CDH4: variants seen among roughly 807,000 people sequenced by gnomAD.
CDH4 encodes cadherin-4.
A neutral mutation model predicts 86.0 loss-of-function variants in CDH4; 33 were observed. The observed-to-expected ratio is 0.38, with a 90% confidence interval of 0.29 to 0.51. The LOEUF (loss-of-function observed/expected upper bound fraction) is 0.51. CDH4 is among the 20% of genes least tolerant of loss of function. CDH4 has a pLI of 0.86. For missense variants in CDH4, 1,114 were observed against 1,307.4 expected, an observed-to-expected ratio of 0.85 and a Z score of 2.28; for synonymous variants, 555 against 549.4, an observed-to-expected ratio of 1.01 and a Z score of -0.14.
At chr20:61,451,353 A>G (rs1162949966) in intron 2 of CDH4, among the ~76,000 whole-genome samples, 2 of 152,208 alleles carry the variant, frequency 1.3e-5, no homozygotes, top group African/African-American at 4.8e-5. Flanking sequence ...GGCCTCACGC[A>G]GACCTGGCTA....
intron 2 of CDH4, among the ~76,000 whole-genome samples, chr20:61,588,617 A>G (rs961310407): frequency 6.6e-6 from 1 of 151,764 alleles, no homozygotes; most frequent in East Asian, 1.9e-4. Flanking sequence ...TTCTCACCCC[A>G]GGGCCCTCCC....
intron 2 of CDH4, among the ~76,000 whole-genome samples, chr20:61,352,377 G>A (rs971445895): frequency 5.3e-5 from 8 of 152,152 alleles, no homozygotes; most frequent in Non-Finnish European, 1.0e-4. Context: ...GGTGACGTTC[G>A]TTTGTTGCCA....
At chr20:61,734,381 AGTT>A (rs1600927711) in intron 2 of CDH4, among the ~76,000 whole-genome samples, 1 of 152,222 alleles carries the variant, frequency 6.6e-6, no homozygotes, top group South Asian at 2.1e-4. Flanking sequence ...CGGAACGGGG[AGTT>A]GTTGTATGTG....
At chr20:61,935,943 TAAAAATG>T (rs994732406) in intron 15 of CDH4, among the ~76,000 whole-genome samples, 3 of 152,036 alleles carry the variant, frequency 2.0e-5, no homozygotes, top group African/African-American at 7.2e-5. Flanking sequence ...TAGGAGAAAT[TAAAAATG>T]AAAACAACAA....
chr20:61,477,809 C>A (rs775462026), intron 2 of CDH4, among the ~76,000 whole-genome samples: 4 of 152,142 alleles, frequency 2.6e-5, no homozygotes, highest in Non-Finnish European at 5.9e-5. Flanking sequence ...AGAATGACCT[C>A]CTCTTGGAAC....
chr20:61,536,260 C>T (rs554080743), intron 2 of CDH4, among the ~76,000 whole-genome samples: 25 of 152,320 alleles, frequency 1.6e-4, no homozygotes, highest in African/African-American at 5.3e-4. Context: ...TCCTGCCCCC[C>T]GAACCCAGAA....
At chr20:61,586,552 A>C (rs1369430370) in intron 2 of CDH4, among the ~76,000 whole-genome samples, 1 of 152,336 alleles carries the variant, frequency 6.6e-6, no homozygotes, top group Admixed American at 6.5e-5. Flanking sequence ...ATGCCCTTAC[A>C]GTAGCCCACC....
intron 2 of CDH4, among the ~76,000 whole-genome samples, chr20:61,485,344 C>T (rs1238256435): frequency 6.6e-6 from 1 of 152,214 alleles, no homozygotes; most frequent in Non-Finnish European, 1.5e-5. Context: ...ACCACACTCT[C>T]TCCAAGAACA....
At chr20:61,871,995 G>GCGGT (rs1983824145) in intron 6 of CDH4, among the ~76,000 whole-genome samples, 1 of 152,180 alleles carries the variant, frequency 6.6e-6, no homozygotes, top group Non-Finnish European at 1.5e-5. Flanking sequence ...GGCCAGAGTG[G>GCGGT]CGGTCTTCTC....
intron 2 of CDH4, among the ~76,000 whole-genome samples, chr20:61,729,319 G>A (rs770276504): frequency 6.6e-6 from 1 of 152,198 alleles, no homozygotes; most frequent in Admixed American, 6.5e-5. Flanking sequence ...GGCTAATGAG[G>A]CGCTCACAGC....
intron 4 of CDH4, among the ~76,000 whole-genome samples, chr20:61,777,509 G>A (rs1019883538): frequency 4.6e-5 from 7 of 152,244 alleles, no homozygotes; most frequent in East Asian, 3.9e-4. Flanking sequence ...TTTAGTGAAC[G>A]GAAAATGGAA....
At position 61,633,447 on chromosome 20, in the gene CDH4, A is replaced by G. The variant is rs564833273; in HGVS notation, c.170-110116A>G. Among the ~76,000 whole-genome samples, 4 of 151,956 alleles carry G rather than the reference A, an allele frequency of 2.6e-5. No individual in the cohort carries two copies. The East Asian group carries it at 5.8e-4, about 22-fold the overall frequency. On this transcript the variant is annotated intron_variant, in intron 2 of 15. Transcript: ENST00000614565. ...CATCCATCCTCCCATCCATTCATCC[A>G]TCTATCCATCAGTTTATTCACCCAT...
chr20:61,756,919 C>A (rs913253804), intron 3 of CDH4, among the ~76,000 whole-genome samples: 1 of 152,204 alleles, frequency 6.6e-6, no homozygotes, highest in East Asian at 1.9e-4. Context: ...TTGAAGCTCA[C>A]ATCTCCAGAA....
intron 7 of CDH4, among the ~76,000 whole-genome samples, chr20:61,878,828 C>T (rs1034912171): frequency 6.6e-6 from 1 of 152,200 alleles, no homozygotes; most frequent in African/African-American, 2.4e-5. Flanking sequence ...GCCTTTGCCT[C>T]GGAATAGAAG....
At chr20:61,414,289 A>G (rs567920286) in intron 2 of CDH4, among the ~76,000 whole-genome samples, 1 of 152,384 alleles carries the variant, frequency 6.6e-6, no homozygotes, top group East Asian at 1.9e-4. Flanking sequence ...GGCATGGCCC[A>G]TGCCTGGCTC....
chr20:61,830,458 G>A (rs1039008032), intron 4 of CDH4, among the ~76,000 whole-genome samples: 11 of 146,818 alleles, frequency 7.5e-5, no homozygotes, highest in Admixed American at 5.5e-4. Flanking sequence ...TCTGCCATCC[G>A]GCCCAGGGCC....
At chr20:61,656,226 CGCGTGCTGGGGTGG>C (rs1568737195) in intron 2 of CDH4, among the ~76,000 whole-genome samples, 6 of 95,164 alleles carry the variant, frequency 6.3e-5, no homozygotes, top group Non-Finnish European at 1.1e-4. Context: ...GGCGGGCAGG[CGCGTGCTGGGGTGG>C]GCAGGCGCGT....
chr20:61,688,638 G>A (rs1323616969), intron 2 of CDH4, among the ~76,000 whole-genome samples: 1 of 152,216 alleles, frequency 6.6e-6, no homozygotes, highest in African/African-American at 2.4e-5. Context: ...CAGAGCCCAG[G>A]CTCCCTGACT....
chr20:61,573,169 A>G (rs4331590), intron 2 of CDH4, among the ~76,000 whole-genome samples: 13,402 of 152,072 alleles, frequency 0.088, 1,311 homozygotes, highest in African/African-American at 0.24. Flanking sequence ...AGAGAGAGTG[A>G]GCTGATGGGG....
Sources: allele counts gnomAD v4.1 joint callset (sites outside exome capture counted in the v4.1 genomes callset), GRCh38; gene constraint gnomAD v4.1.1; transcripts MANE v1.5; gene names NCBI Gene and HGNC (gene_info 2026-07-23, HGNC 2026-07-21).